The following VPS13A variants were observed in gnomAD, a reference collection of about 807,000 sequenced individuals.
The protein encoded by VPS13A is intermembrane lipid transfer protein VPS13A.
VPS13A carries 264 observed loss-of-function variants against 390.9 expected under a neutral mutation model. That is an observed-to-expected ratio of 0.68 (90% CI 0.61 to 0.75). The LOEUF (loss-of-function observed/expected upper bound fraction) is 0.75. Among genes scored for constraint, VPS13A ranks in the 30% least tolerant of loss-of-function variants. The pLI is 0.00. For missense variants in VPS13A, 3,409 were observed against 3,733.9 expected (o/e 0.91, Z 2.27); for synonymous variants, 1,231 against 1,227.1 (o/e 1.00, Z -0.07).
chr9:77,187,383 C>T (rs1219133305), intron 1 of VPS13A, among the ~76,000 whole-genome samples: 2 of 152,188 alleles, frequency 1.3e-5, no homozygotes, highest in African/African-American at 2.4e-5. Context: ...TCCACATCCT[C>T]ACCAACATTT....
At chr9:77,270,238 C>T (rs1232650398) in intron 23 of VPS13A, among the ~76,000 whole-genome samples, 2 of 152,096 alleles carry the variant, frequency 1.3e-5, no homozygotes, top group East Asian at 1.9e-4. Context: ...TAGATTCTAT[C>T]GTTTAATAAA....
intron 20 of VPS13A, among the ~76,000 whole-genome samples, chr9:77,248,848 C>T (rs984115510): frequency 1.3e-5 from 2 of 152,204 alleles, no homozygotes; most frequent in East Asian, 1.9e-4. Context: ...TCTTCTGCCT[C>T]AGCCTCCCAA....
chr9:77,282,342 C>A, intron 29 of VPS13A, 68 bp downstream of exon 29: 3 of 1,385,170 alleles, frequency 2.2e-6, no homozygotes, highest in Non-Finnish European at 3.0e-6. Flanking sequence ...AAATCTAGAC[C>A]CTGACTTTAT....
At chr9:77,375,186 A>G (rs1833000542) in intron 67 of VPS13A, among the ~76,000 whole-genome samples, 1 of 152,176 alleles carries the variant, frequency 6.6e-6, no homozygotes, top group Non-Finnish European at 1.5e-5. Flanking sequence ...AAACCTTATA[A>G]TTCTGTACCC....
chr9:77,383,032 T>C, intron 68 of VPS13A: 2 of 985,236 alleles, frequency 2.0e-6, no homozygotes, highest in Non-Finnish European at 2.4e-6. Flanking sequence ...TTATGTAGGC[T>C]TGCAGATACT....
chr9:77,311,071 C>T (rs963565340), intron 35 of VPS13A, among the ~76,000 whole-genome samples: 4 of 152,004 alleles, frequency 2.6e-5, no homozygotes, highest in African/African-American at 4.8e-5. Context: ...ACTACAGGTG[C>T]CCACCACCAC....
intron 22 of VPS13A, among the ~76,000 whole-genome samples, 199 bp downstream of exon 22, chr9:77,252,551 C>T (rs766118628): frequency 5.3e-5 from 8 of 152,092 alleles, no homozygotes; most frequent in South Asian, 4.2e-4. Context: ...ATTAGGTTCA[C>T]GCATGTTGTT....
In VPS13A at chr9:77,420,822, C is replaced by T. The variant is rs1835317298; in HGVS notation, c.*4816C>T. 6.6e-6 allele frequency: 1 copy of T among 152,100 alleles called. No individual in the cohort carries two copies. Among genetic ancestry groups the T allele is most frequent in the Non-Finnish European group, 1.5e-5 (1 of 68,010 alleles). The allele number at this position is 152,100 out of a possible 1,614,324, so 9.4% of individuals were successfully genotyped here. ...ACATGTTGGAAAATCCCAACATTTC[C>T]TGTTATGCCGTCATACCTCCGGTGT... On this transcript the variant is annotated 3_prime_UTR_variant, in exon 72 of 72. Transcript: ENST00000360280.
intron 3 of VPS13A, among the ~76,000 whole-genome samples, chr9:77,204,752 G>A (rs1421896382): frequency 6.6e-6 from 1 of 152,066 alleles, no homozygotes; most frequent in Admixed American, 6.5e-5. Context: ...AGCCTCCCAG[G>A]TAGCTGGGAC....
intron 13 of VPS13A, 101 bp from the exon 14 acceptor site, chr9:77,225,820 CTATTA>C (rs1823475346): frequency 3.6e-6 from 3 of 833,480 alleles, no homozygotes; most frequent in African/African-American, 3.4e-5. Flanking sequence ...TGTTTGCTTC[CTATTA>C]TATCTTTTCT....
chr9:77,306,077 T>C (rs566609195), intron 34 of VPS13A, among the ~76,000 whole-genome samples: 3 of 152,170 alleles, frequency 2.0e-5, no homozygotes, highest in Non-Finnish European at 4.4e-5. Context: ...CAGTGTCTGC[T>C]ACATAGTTAC....
At chr9:77,313,732 GGAACA>G (rs1214467507) in intron 35 of VPS13A, among the ~76,000 whole-genome samples, 3 of 151,892 alleles carry the variant, frequency 2.0e-5, no homozygotes, top group African/African-American at 2.4e-5. Flanking sequence ...ATTTTTCCTT[GGAACA>G]GAACAGAAGT....
intron 1 of VPS13A, among the ~76,000 whole-genome samples, chr9:77,185,673 C>T (rs1824287326): frequency 6.6e-6 from 1 of 152,168 alleles, no homozygotes; most frequent in South Asian, 2.1e-4. Flanking sequence ...AAACAGTCTT[C>T]CCCTCCTCTT....
At chr9:77,303,787 A>G (rs1828533088) in intron 34 of VPS13A, among the ~76,000 whole-genome samples, 1 of 152,170 alleles carries the variant, frequency 6.6e-6, no homozygotes, top group South Asian at 2.1e-4. Context: ...CAAACATCTC[A>G]GTGGAGTAAA....
At position 77,360,777 on chromosome 9, in the gene VPS13A, A is replaced by T. The variant is rs1587658045; in HGVS notation, c.8211+136A>T. On this transcript the variant is annotated intron_variant, in intron 59 of 71. Transcript: ENST00000360280. ...AAATTTTATTACTCTCTTGTGGTAC[A>T]TACCTTTTTAGAAATCTTATTTTCT... The T allele has an allele frequency of 4.6e-6, 3 of 648,570 alleles. No individual in the cohort carries two copies. In the African/African-American group the frequency reaches 5.5e-5, roughly 12 times the overall value. 40.2% of individuals were successfully genotyped at this position (648,570 alleles called of 1,614,324 possible).
rs1382035905 is a variant in VPS13A, at chr9:77,284,552, A to G, written c.3339+902A>G. Among the ~76,000 whole-genome samples, 1 of 152,168 alleles carries G rather than the reference A, an allele frequency of 6.6e-6. No homozygotes were observed. The highest frequency in any genetic ancestry group is 6.5e-5 in the Admixed American group (1 of 15,274). ...TTCTATTGCTTTTATTTTAAAAATC[A>G]TAAGTATCAGAGTATTTAAGAAATA... On this transcript the variant is annotated intron_variant, in intron 31 of 71. Transcript: ENST00000360280.
In VPS13A at chr9:77,276,152, A is replaced by T; in HGVS notation, c.2755A>T (p.Ile919Phe). 6.2e-7 allele frequency: 1 copy of T among 1,612,390 alleles called. No homozygotes were observed. The highest frequency in any genetic ancestry group is 8.5e-7 in the Non-Finnish European group (1 of 1,179,166). The change falls in exon 26 of 72, where the codon ATT becomes TTT. Residue 919 changes from isoleucine (I) to phenylalanine (F), a missense_variant. By Grantham distance (21) the Ile-to-Phe change is conservative. Transcript: ENST00000360280. ...LVLGLGAEIEIRTYDLKANAF... is the reference protein window; with the variant it reads ...LVLGLGAEIEFRTYDLKANAF... ...TTTAGGATTGGGTGCAGAAATTGAGATTAGAACATACGATTTGAAAGCAAA... is the reference window on the plus strand; with the variant it reads ...TTTAGGATTGGGTGCAGAAATTGAGTTTAGAACATACGATTTGAAAGCAAA...
intron 34 of VPS13A, 64 bp downstream of exon 34, chr9:77,303,126 T>G: frequency 6.4e-7 from 1 of 1,560,094 alleles, no homozygotes; most frequent in Admixed American, 1.7e-5. Context: ...CTTGGGGACA[T>G]AAGGCATCAT....
intron 42 of VPS13A, 48 bp downstream of exon 42, chr9:77,319,721 A>T: frequency 1.9e-6 from 2 of 1,043,378 alleles, no homozygotes; most frequent in Non-Finnish European, 2.7e-6. Context: ...TATGTATTTT[A>T]AAAGACTTTA....
Sources: gnomAD v4.1 joint callset for allele counts (sites outside exome capture counted in the v4.1 genomes callset) on GRCh38, gnomAD v4.1.1 for gene constraint, MANE v1.5 for transcripts, NCBI Gene and HGNC (gene_info 2026-07-23, HGNC 2026-07-21) for gene names.